CDK5RAP2: variants seen among roughly 807,000 people sequenced by gnomAD.
The protein encoded by CDK5RAP2 is CDK5 regulatory subunit associated protein 2.
In CDK5RAP2, 147 loss-of-function variants were observed where a neutral mutation model predicts 232.9. The ratio of observed to expected loss-of-function variants is 0.63; its 90% CI spans 0.55 to 0.72. The LOEUF (loss-of-function observed/expected upper bound fraction) is 0.72. Ranked by LOEUF, CDK5RAP2 falls within the 30% of genes least tolerant of loss-of-function variation. CDK5RAP2 has a pLI of 0.00. For synonymous variants in CDK5RAP2, 833 were observed against 833.7 expected, an observed-to-expected ratio of 1.00 and a Z score of 0.01; for missense variants, 2,195 against 2,231.5, an observed-to-expected ratio of 0.98 and a Z score of 0.33.
In CDK5RAP2 at chr9:120,524,969, G is replaced by C; in HGVS notation, c.1092+17C>G. 1 of 1,596,060 alleles carries C rather than the reference G, an allele frequency of 6.3e-7. No homozygotes were observed. The highest frequency in any genetic ancestry group is 8.6e-7 in the Non-Finnish European group (1 of 1,163,618). ...CAGGATCAAAGAGACAGCCACTTAAGCCAAGTGTACACTTACCTGAAATTC... is the reference window on the plus strand; with the variant it reads ...CAGGATCAAAGAGACAGCCACTTAACCCAAGTGTACACTTACCTGAAATTC... On this transcript the variant is annotated intron_variant, in intron 11 of 37. Transcript: ENST00000349780.
intron 32 of CDK5RAP2, among the ~76,000 whole-genome samples, chr9:120,405,909 T>C (rs942314930): frequency 2.0e-5 from 3 of 152,162 alleles, no homozygotes; most frequent in Non-Finnish European, 2.9e-5. Flanking sequence ...GGACACACAA[T>C]GACACAAAAT....
Position 120,411,465 on chromosome 9 carries a change from C to G in CDK5RAP2, c.4307G>C (p.Ser1436Thr). 2 of 1,571,342 alleles carry G rather than the reference C, an allele frequency of 1.3e-6. No homozygotes were observed. The highest frequency in any genetic ancestry group is 1.8e-6 in the Non-Finnish European group (2 of 1,141,556). The change falls in exon 29 of 38, where the codon AGC (serine) becomes ACC (threonine). Residue 1436 changes from serine to threonine, a missense_variant. By Grantham distance (58) the Ser-to-Thr change is moderately conservative. Transcript: ENST00000349780. The part of the protein sequence containing the change: ...QGSEFVQGST[S>T]IFASGSELHS... ...AAGCTCTGAACCAGAAGCAAAAATG[C>G]TTGTAGAACCTATAAAAACACACAT...
At chr9:120,551,473 A>T (rs1249608629) in intron 3 of CDK5RAP2, among the ~76,000 whole-genome samples, 1 of 152,234 alleles carries the variant, frequency 6.6e-6, no homozygotes, top group Non-Finnish European at 1.5e-5. Flanking sequence ...ATCACCATTG[A>T]AGGGATAAAC....
intron 12 of CDK5RAP2, among the ~76,000 whole-genome samples, chr9:120,506,348 G>A (rs959376926): frequency 2.6e-5 from 4 of 152,200 alleles, no homozygotes; most frequent in African/African-American, 9.7e-5. Flanking sequence ...ACTGCTCATT[G>A]ACAATGCACC....
Position 120,408,129 on chromosome 9 carries a change from C to A in CDK5RAP2, c.4726+218G>T. On this transcript the variant is annotated intron_variant, in intron 31 of 37. Transcript: ENST00000349780. The stretch of plus-strand genomic sequence containing the variant: ...GGGAACAAGTGAGTGGGAACCCGGA[C>A]CTCGGCTGGCCTGGGTGCTGAGCCT... 7 of 591,514 alleles carry A rather than the reference C, an allele frequency of 1.2e-5. 1 individual carries two copies. The South Asian group carries it at 1.3e-4, about 11-fold the overall frequency. 36.6% of individuals were successfully genotyped at this position (591,514 alleles called of 1,614,324 possible).
chr9:120,550,935 A>C, intron 3 of CDK5RAP2, 33 bp from the exon 4 acceptor site: 1 of 1,297,180 alleles, frequency 7.7e-7, no homozygotes, highest in Non-Finnish European at 1.1e-6. Context: ...CATCAAAAGC[A>C]AACAAAAGAC....
intron 7 of CDK5RAP2, among the ~76,000 whole-genome samples, chr9:120,531,125 C>G (rs1051812252): frequency 2.6e-5 from 4 of 152,124 alleles, no homozygotes; most frequent in African/African-American, 9.7e-5. Context: ...TCAGTCTCAT[C>G]TCTCACGGGA....
At chr9:120,578,519 C>T (rs2043122133) in intron 1 of CDK5RAP2, among the ~76,000 whole-genome samples, 1 of 151,494 alleles carries the variant, frequency 6.6e-6, no homozygotes. Context: ...CCAAGATAGG[C>T]CCTCTTTATG....
intron 12 of CDK5RAP2, among the ~76,000 whole-genome samples, chr9:120,515,715 A>T (rs938159688): frequency 6.6e-6 from 1 of 152,242 alleles, no homozygotes; most frequent in African/African-American, 2.4e-5. Flanking sequence ...GAAGGATATG[A>T]ACAGACACTT....
chr9:120,442,246 G>A (rs2035941581), intron 23 of CDK5RAP2, among the ~76,000 whole-genome samples: 1 of 152,162 alleles, frequency 6.6e-6, no homozygotes, highest in Non-Finnish European at 1.5e-5. Flanking sequence ...AAGCCTGGCA[G>A]TCTGCCTCTA....
chr9:120,532,513 C>T (rs1392118484), intron 7 of CDK5RAP2: 1 of 152,174 alleles, frequency 6.6e-6, no homozygotes, highest in Non-Finnish European at 1.5e-5. Context: ...GATCTGGATC[C>T]GTCTCACCAG....
chr9:120,558,488 A>G (rs2042330006), intron 3 of CDK5RAP2, among the ~76,000 whole-genome samples: 1 of 148,874 alleles, frequency 6.7e-6, no homozygotes, highest in Admixed American at 6.8e-5. Context: ...TAAACCCTCT[A>G]TTAGCTCTTT....
intron 34 of CDK5RAP2, among the ~76,000 whole-genome samples, chr9:120,402,053 A>G (rs2033070457): frequency 6.6e-6 from 1 of 152,126 alleles, no homozygotes. Context: ...ACACTTTAGG[A>G]GGCCAAGGTG....
chr9:120,538,095 T>G (rs1185624625), intron 6 of CDK5RAP2, among the ~76,000 whole-genome samples: 1 of 152,202 alleles, frequency 6.6e-6, no homozygotes, highest in African/African-American at 2.4e-5. Flanking sequence ...GTGGTTCTAG[T>G]TCTACCACTT....
intron 12 of CDK5RAP2, among the ~76,000 whole-genome samples, chr9:120,497,441 AAAAAAAAAAAAAAG>A: frequency 6.9e-6 from 1 of 144,564 alleles, no homozygotes; most frequent in Non-Finnish European, 1.5e-5. Context: ...AAAAAAAAAA[AAAAAAAAAAAAAAG>A]AATCATCAAT....
intron 11 of CDK5RAP2, among the ~76,000 whole-genome samples, chr9:120,524,336 G>A (rs928804937): frequency 6.6e-6 from 1 of 152,114 alleles, no homozygotes; most frequent in South Asian, 2.1e-4. Flanking sequence ...ACATGCTCCT[G>A]AGCCTCAAAA....
chr9:120,537,446 G>A (rs900031904), intron 6 of CDK5RAP2, among the ~76,000 whole-genome samples: 10 of 151,998 alleles, frequency 6.6e-5, no homozygotes, highest in East Asian at 1.9e-4. Flanking sequence ...AATGAAAGCC[G>A]AAAAAAATCA....
At position 120,458,586 on chromosome 9, in the gene CDK5RAP2, C is replaced by T. The variant is rs1476544368; in HGVS notation, c.2239G>A (p.Gly747Arg). 14 of 1,614,026 alleles carry T rather than the reference C, an allele frequency of 8.7e-6. No individual in the cohort carries two copies. Among genetic ancestry groups the T allele is most frequent in the Non-Finnish European group, 9.3e-6 (11 of 1,180,030 alleles). The change falls in exon 20 of 38, where the codon GGA (glycine) becomes AGA (arginine). Residue 747 changes from glycine (G) to arginine (R), a missense_variant. Coordinates refer to ENST00000349780, the MANE Select transcript of CDK5RAP2 (RefSeq NM_018249.6). ...KDLSKGGCKN[G>R]YLRHTESKIS... ...TTAGACTCCGTGTGCCTTAAGTATC[C>T]ATTTTTGCAGCCTCCTTTGGAAAGG...
chr9:120,426,963 C>G (rs1434972534), intron 25 of CDK5RAP2, among the ~76,000 whole-genome samples: 3 of 152,182 alleles, frequency 2.0e-5, no homozygotes, highest in African/African-American at 7.2e-5. Flanking sequence ...GACCGCCCCC[C>G]ACTTTCCCAT....
Sources: allele counts gnomAD v4.1 joint callset (sites outside exome capture counted in the v4.1 genomes callset), GRCh38; gene constraint gnomAD v4.1.1; transcripts MANE v1.5; gene names NCBI Gene and HGNC (gene_info 2026-07-23, HGNC 2026-07-21).